CATSPERT: variants seen among roughly 807,000 people sequenced by gnomAD.
The protein encoded by CATSPERT is catsper channel auxiliary subunit tau, also known as cation channel sperm-associated targeting subunit tau.
At chr2:201,544,367 C>A in the CATSPERT span, among the ~76,000 whole-genome samples, 1 of 152,300 alleles carries the variant, frequency 6.6e-6, no homozygotes. Context: ...CCTTTGGGTA[C>A]ATACCCAGTA....
chr2:201,565,964 T>C, the CATSPERT span: 3 of 1,225,854 alleles, frequency 2.4e-6, no homozygotes, highest in Non-Finnish European at 2.2e-6. Flanking sequence ...CCTTCTCTTT[T>C]ACACTTTTAG....
At chr2:201,534,892 G>T in the CATSPERT span, 1 of 543,244 alleles carries the variant, frequency 1.8e-6, no homozygotes, top group Non-Finnish European at 2.3e-6. Flanking sequence ...AATTCAAGTG[G>T]CATGCATGTA....
At chr2:201,580,133 A>C in the CATSPERT span, among the ~76,000 whole-genome samples, 1 of 152,202 alleles carries the variant, frequency 6.6e-6, no homozygotes, top group Non-Finnish European at 1.5e-5. Context: ...GGCCTGAGCC[A>C]CTGCACCCAG....
chr2:201,599,515 T>C, the CATSPERT span, among the ~76,000 whole-genome samples: 19 of 152,322 alleles, frequency 1.2e-4, no homozygotes, highest in African/African-American at 3.8e-4. Context: ...TTTATATTAG[T>C]TTATATGTGT....
the CATSPERT span, among the ~76,000 whole-genome samples, chr2:201,561,607 C>T: frequency 1.3e-5 from 2 of 152,136 alleles, 1 homozygote; most frequent in South Asian, 4.1e-4. Context: ...CTTGGTGGCT[C>T]ACGCCTGTAA....
At chr2:201,494,286 G>T in the CATSPERT span, 1 of 1,536,836 alleles carries the variant, frequency 6.5e-7, no homozygotes, top group Non-Finnish European at 8.7e-7. Context: ...TGTCTGAAAG[G>T]TCTTGCAGAT....
At chr2:201,607,954 A>T in the CATSPERT span, among the ~76,000 whole-genome samples, 73 of 152,290 alleles carry the variant, frequency 4.8e-4, 1 homozygote, top group South Asian at 0.014. Context: ...ACTGTGAGAA[A>T]ATAAATGTCT....
chr2:201,592,998 T>C, the CATSPERT span, among the ~76,000 whole-genome samples: 2 of 152,052 alleles, frequency 1.3e-5, no homozygotes, highest in Admixed American at 6.6e-5. Context: ...CTGCTCTGAT[T>C]TTAGTTATTT....
the CATSPERT span, among the ~76,000 whole-genome samples, chr2:201,497,113 T>C: frequency 6.6e-6 from 1 of 152,226 alleles, no homozygotes; most frequent in Non-Finnish European, 1.5e-5. Context: ...AACAATTCAA[T>C]GAGTAACATT....
At chr2:201,594,673 C>T in the CATSPERT span, among the ~76,000 whole-genome samples, 39 of 151,936 alleles carry the variant, frequency 2.6e-4, no homozygotes, top group Non-Finnish European at 5.4e-4. Context: ...AGGCTTTGCT[C>T]GTTTCTTTTT....
chr2:201,496,981 A>G, the CATSPERT span, among the ~76,000 whole-genome samples: 1 of 152,172 alleles, frequency 6.6e-6, no homozygotes, highest in Non-Finnish European at 1.5e-5. Flanking sequence ...CACACTGCCA[A>G]CTCATACAGA....
At chr2:201,556,560 C>T in the CATSPERT span, among the ~76,000 whole-genome samples, 57 of 151,104 alleles carry the variant, frequency 3.8e-4, no homozygotes, top group Non-Finnish European at 1.5e-5. Flanking sequence ...AAGTGTTTGG[C>T]TCACATCTGT....
At chr2:201,574,056 G>A in the CATSPERT span, among the ~76,000 whole-genome samples, 1 of 152,290 alleles carries the variant, frequency 6.6e-6, no homozygotes, top group East Asian at 1.9e-4. Flanking sequence ...TTAGGCTGAA[G>A]AGAAGCCCAC....
At chr2:201,556,123 G>A in the CATSPERT span, 1 of 152,100 alleles carries the variant, frequency 6.6e-6, no homozygotes, top group Non-Finnish European at 1.5e-5. Context: ...TGCGATAACT[G>A]CTAATAATGC....
the CATSPERT span, chr2:201,492,647 A>T: frequency 6.5e-7 from 1 of 1,529,164 alleles, no homozygotes; most frequent in Non-Finnish European, 8.8e-7. Context: ...ATCTCTTTTA[A>T]AAAAGATCTC....
At chr2:201,606,864 A>G in the CATSPERT span, among the ~76,000 whole-genome samples, 3 of 150,178 alleles carry the variant, frequency 2.0e-5, no homozygotes, top group African/African-American at 7.4e-5. Flanking sequence ...GCGCCACCGC[A>G]CTCCAGCTTG....
the CATSPERT span, among the ~76,000 whole-genome samples, chr2:201,569,886 A>G: frequency 6.6e-6 from 1 of 152,198 alleles, no homozygotes; most frequent in Non-Finnish European, 1.5e-5. Context: ...CATTAAATGC[A>G]AAAATGTCTG....
At chr2:201,595,434 C>T in the CATSPERT span, among the ~76,000 whole-genome samples, 3 of 152,074 alleles carry the variant, frequency 2.0e-5, no homozygotes, top group South Asian at 2.1e-4. Context: ...GTGATCCGCC[C>T]GCCTCGGCCT....
the CATSPERT span, chr2:201,555,150 C>G: frequency 1.3e-5 from 2 of 152,170 alleles, no homozygotes; most frequent in African/African-American, 4.8e-5. Context: ...TATAGCTTAT[C>G]CATTTCATAT....
Sources: gnomAD v4.1 joint callset for allele counts (sites outside exome capture counted in the v4.1 genomes callset) on GRCh38, gnomAD v4.1.1 for gene constraint, MANE v1.5 for transcripts, NCBI Gene and HGNC (gene_info 2026-07-23, HGNC 2026-07-21) for gene names.